Variants in PCDHGA3 observed in about 807,000 individuals in gnomAD.
The protein encoded by PCDHGA3 is protocadherin gamma-A3.
In PCDHGA3, 40 loss-of-function variants were observed where a neutral mutation model predicts 58.5. That is an observed-to-expected ratio of 0.68 (90% CI 0.53 to 0.89). The LOEUF is 0.89. Ranked by LOEUF, PCDHGA3 falls within the 40% of genes least tolerant of loss-of-function variation. The probability of loss-of-function intolerance (pLI) is 0.00; values close to 1 mark genes in which losing one functional copy is unlikely to be tolerated. For synonymous variants in PCDHGA3, 530 were observed against 525.7 expected, an observed-to-expected ratio of 1.01 and a Z score of -0.11; for missense variants, 1,223 against 1,195.9, an observed-to-expected ratio of 1.02 and a Z score of -0.33.
At chr5:141,357,135 C>T in intron 1 of PCDHGA3, 2 of 1,613,502 alleles carry the variant, frequency 1.2e-6, no homozygotes. Flanking sequence ...TTGTAGTGGT[C>T]GTCCAGGACC....
At chr5:141,408,836 T>G in intron 1 of PCDHGA3, 1 of 1,613,680 alleles carries the variant, frequency 6.2e-7, no homozygotes, top group Non-Finnish European at 8.5e-7. Context: ...TAGCTTGATA[T>G]TGACTGCCTT....
intron 1 of PCDHGA3, chr5:141,427,369 C>T (rs1333238163): frequency 4.4e-6 from 2 of 457,834 alleles, no homozygotes; most frequent in Non-Finnish European, 8.8e-6. Flanking sequence ...GAACCCTGGA[C>T]GGTGATCACT....
At chr5:141,364,321 A>G (rs762290044) in intron 1 of PCDHGA3, 21 of 1,526,304 alleles carry the variant, frequency 1.4e-5, no homozygotes, top group Middle Eastern at 1.8e-4. Flanking sequence ...AATTGGGCAG[A>G]GAGAAGGCAA....
intron 1 of PCDHGA3, chr5:141,430,885 C>T (rs771554381): frequency 5.6e-6 from 9 of 1,605,218 alleles, no homozygotes; most frequent in South Asian, 1.1e-5. Flanking sequence ...TGGAGAAAGG[C>T]TCTAGGGTGG....
At chr5:141,391,211 A>C (rs2092317474) in intron 1 of PCDHGA3, 1 of 152,220 alleles carries the variant, frequency 6.6e-6, no homozygotes, top group African/African-American at 2.4e-5. Flanking sequence ...AATACCAAGG[A>C]ACATTATATG....
intron 1 of PCDHGA3, chr5:141,478,242 T>C (rs750487479): frequency 6.2e-7 from 1 of 1,614,156 alleles, no homozygotes; most frequent in Admixed American, 1.7e-5. Context: ...GTGGTCACAG[T>C]GTTCGGAGTA....
intron 1 of PCDHGA3, chr5:141,364,513 G>A (rs1027493241): frequency 3.1e-6 from 5 of 1,613,934 alleles, no homozygotes; most frequent in South Asian, 1.1e-5. Context: ...AGCTGGCGGA[G>A]CGCGGAGTCC....
At chr5:141,446,450 T>C (rs922188307) in intron 1 of PCDHGA3, among the ~76,000 whole-genome samples, 2 of 152,018 alleles carry the variant, frequency 1.3e-5, no homozygotes, top group Non-Finnish European at 2.9e-5. Context: ...AGTGCAGATA[T>C]TCAGTGTGTG....
At position 141,447,667 on chromosome 5, in the gene PCDHGA3, G is replaced by A. The variant is rs115529144; in HGVS notation, c.2425-47140G>A. 2.4e-3 allele frequency among the ~76,000 whole-genome samples: 372 copies of A among 152,278 alleles called. 2 individuals are homozygous for A. Among genetic ancestry groups the A allele is most frequent in the African/African-American group, 8.6e-3 (358 of 41,546 alleles). The stretch of plus-strand genomic sequence containing the variant: ...TAGAATTTTCCCCCCCAGGAAGTTA[G>A]AACTGTTCCATATCTTGATAGAGGG... On this transcript the variant is annotated intron_variant, in intron 1 of 3. Transcript: ENST00000253812.
chr5:141,510,910 A>C (rs780792326), intron 3 of PCDHGA3, 37 bp from the exon 4 acceptor site: 4 of 1,613,740 alleles, frequency 2.5e-6, no homozygotes, highest in Admixed American at 3.3e-5. Flanking sequence ...GAGGACCCTA[A>C]GTTTAGCTCC....
intron 1 of PCDHGA3, chr5:141,478,551 G>A (rs759604162): frequency 6.2e-6 from 10 of 1,603,054 alleles, no homozygotes; most frequent in South Asian, 3.3e-5. Context: ...GGACAGGTAA[G>A]GTTTAGCAAG....
At chr5:141,396,767 G>C (rs900685366) in intron 1 of PCDHGA3, 1 of 152,220 alleles carries the variant, frequency 6.6e-6, no homozygotes, top group African/African-American at 2.4e-5. Context: ...ATAAATGTTT[G>C]TTATTAATGA....
chr5:141,345,301 G>A lies in PCDHGA3; in HGVS notation c.1268G>A (p.Arg423Lys). ...ATATCAGAATATAACATTAGTCTGAGAGCCTCAGATGGGGGAAGCCCGCCA... is the reference window on the plus strand; with the variant it reads ...ATATCAGAATATAACATTAGTCTGAAAGCCTCAGATGGGGGAAGCCCGCCA... The part of the protein sequence containing the change: ...EQISEYNISL[R>K]ASDGGSPPLS... Residue 423 changes from arginine (R) to lysine (K), a missense_variant, in exon 1 of 4, where the codon AGA becomes AAA. Transcript: ENST00000253812. 1 of 1,613,946 alleles carries A rather than the reference G, an allele frequency of 6.2e-7. No homozygotes were observed. The highest frequency in any genetic ancestry group is 8.5e-7 in the Non-Finnish European group (1 of 1,179,882).
chr5:141,398,048 G>T, intron 1 of PCDHGA3: 2 of 1,506,604 alleles, frequency 1.3e-6, no homozygotes, highest in South Asian at 1.3e-5. Flanking sequence ...CCCGTTCGGA[G>T]ATCCAAAAAT....
chr5:141,457,337 TTAC>T (rs1446765287), intron 1 of PCDHGA3, among the ~76,000 whole-genome samples: 2 of 152,202 alleles, frequency 1.3e-5, no homozygotes, highest in Non-Finnish European at 2.9e-5. Flanking sequence ...GGTACCTTAC[TTAC>T]TTTCATTACC....
Position 141,490,311 on chromosome 5 carries a change from C to T in PCDHGA3, c.2425-4496C>T. 6.2e-7 allele frequency: 1 copy of T among 1,614,200 alleles called. No individual in the cohort carries two copies. The highest frequency in any genetic ancestry group is 8.5e-7 in the Non-Finnish European group (1 of 1,180,018). On this transcript the variant is annotated intron_variant, in intron 1 of 3. Coordinates refer to ENST00000253812, the MANE Select transcript of PCDHGA3 (RefSeq NM_018916.4). This position sits in a 1 kb window ranked among gnomAD's most constrained non-coding sequence, Gnocchi z 5.4. ...AGGTGCTATTGGCCTCTTTGGCCAA[C>T]CCTGTCCTAGAGAGCACACCAGTGG...
Position 141,466,657 on chromosome 5 carries a change from C to T in PCDHGA3, c.2425-28150C>T, listed in dbSNP as rs143657719. Among the ~76,000 whole-genome samples the T allele has an allele frequency of 1.4e-3, 211 of 152,280 alleles. 1 individual carries two copies. The highest frequency in any genetic ancestry group is 4.7e-3 in the African/African-American group (197 of 41,542). On this transcript the variant is annotated intron_variant, in intron 1 of 3. Transcript: ENST00000253812. ...TCTCCATAAACTTTTCACAAAACAT[C>T]AGTGATTTCACCGTTCTTCCACTCA...
intron 1 of PCDHGA3, chr5:141,403,315 A>G (rs1268267002): frequency 6.2e-7 from 1 of 1,613,974 alleles, no homozygotes; most frequent in Non-Finnish European, 8.5e-7. Flanking sequence ...GAATAGAAAT[A>G]GAAGTAACTG....
At chr5:141,436,611 C>T (rs893312137) in intron 1 of PCDHGA3, among the ~76,000 whole-genome samples, 1 of 152,126 alleles carries the variant, frequency 6.6e-6, no homozygotes, top group Non-Finnish European at 1.5e-5. Context: ...CTAGGGCTAA[C>T]AAAAATCTGA....
Sources: gnomAD v4.1 joint callset for allele counts (sites outside exome capture counted in the v4.1 genomes callset) on GRCh38, gnomAD v4.1.1 for gene constraint, Gnocchi (gnomAD v3.1) non-coding constraint, MANE v1.5 for transcripts, NCBI Gene and HGNC (gene_info 2026-07-23, HGNC 2026-07-21) for gene names.